CRIM1: variants seen among roughly 807,000 people sequenced by gnomAD.
CRIM1 encodes the protein cysteine-rich motor neuron 1 protein.
Under a neutral mutation model 116.4 loss-of-function variants are expected in CRIM1, and 32 were observed. The ratio of observed to expected loss-of-function variants is 0.27; its 90% CI spans 0.21 to 0.37. CRIM1 has a LOEUF of 0.37. Ranked by LOEUF, CRIM1 falls within the 10% of genes least tolerant of loss-of-function variation. The pLI is 1.00. For synonymous variants in CRIM1, 590 were observed against 509.2 expected, an observed-to-expected ratio of 1.16 and a Z score of -2.13; for missense variants, 1,331 against 1,354.8, an observed-to-expected ratio of 0.98 and a Z score of 0.28.
At chr2:36,506,477 G>A (rs1260017295) in intron 8 of CRIM1, among the ~76,000 whole-genome samples, 2 of 152,166 alleles carry the variant, frequency 1.3e-5, no homozygotes, top group African/African-American at 4.8e-5. Context: ...TCCACAGTGT[G>A]TTCTCCATGG....
At chr2:36,456,977 G>A (rs925608372) in intron 4 of CRIM1, among the ~76,000 whole-genome samples, 4 of 151,994 alleles carry the variant, frequency 2.6e-5, no homozygotes, top group Admixed American at 1.3e-4. Context: ...TACAACTTCT[G>A]TTCTCCTGCA....
chr2:36,495,778 A>T (rs373946170), intron 7 of CRIM1, among the ~76,000 whole-genome samples: 1 of 152,126 alleles, frequency 6.6e-6, no homozygotes, highest in Non-Finnish European at 1.5e-5. Flanking sequence ...TAGTAATAGG[A>T]TCAGTTCTGA....
chr2:36,475,360 G>C (rs1234382346), intron 5 of CRIM1, among the ~76,000 whole-genome samples: 2 of 152,012 alleles, frequency 1.3e-5, no homozygotes, highest in African/African-American at 4.8e-5. Flanking sequence ...ATTGTGATTG[G>C]AATTGTTTTC....
At chr2:36,412,859 G>A (rs1673316573) in intron 2 of CRIM1, among the ~76,000 whole-genome samples, 1 of 152,090 alleles carries the variant, frequency 6.6e-6, no homozygotes, top group African/African-American at 2.4e-5. Flanking sequence ...TCTATTACCA[G>A]AGAAGACATT....
chr2:36,410,987 T>C (rs1402460583), intron 2 of CRIM1, among the ~76,000 whole-genome samples: 1 of 152,226 alleles, frequency 6.6e-6, no homozygotes, highest in Non-Finnish European at 1.5e-5. Flanking sequence ...CAAATTCTCA[T>C]ATTCTCAGTC....
chr2:36,504,756 G>T (rs1307297988), intron 8 of CRIM1, among the ~76,000 whole-genome samples: 1 of 152,150 alleles, frequency 6.6e-6, no homozygotes, highest in East Asian at 1.9e-4. Context: ...TTTAACCAGT[G>T]TCTTTTGCTA....
At chr2:36,520,273 C>T (rs535432500) in intron 12 of CRIM1, among the ~76,000 whole-genome samples, 1 of 152,220 alleles carries the variant, frequency 6.6e-6, no homozygotes, top group African/African-American at 2.4e-5. Flanking sequence ...AGCTTCAGCA[C>T]GGCTGTCCCT....
chr2:36,416,243 C>T (rs1222268739), intron 2 of CRIM1, among the ~76,000 whole-genome samples: 1 of 144,662 alleles, frequency 6.9e-6, no homozygotes, highest in Non-Finnish European at 1.5e-5. Context: ...TGGATTGGAA[C>T]TATGGAACTA....
At position 36,522,846 on chromosome 2, in the gene CRIM1, C is replaced by T. The variant is rs181702626; in HGVS notation, c.2428+533C>T. ...AGAAGAAGAAGGAGAAAGAAATGTTCTCTGAGAATGTCATACTGTTACAGC... is the reference window on the plus strand; with the variant it reads ...AGAAGAAGAAGGAGAAAGAAATGTTTTCTGAGAATGTCATACTGTTACAGC... On this transcript the variant is annotated intron_variant, in intron 13 of 16. Transcript: ENST00000280527. Among the ~76,000 whole-genome samples the T allele has an allele frequency of 3.0e-3, 452 of 150,946 alleles. 1 individual carries two copies. Among genetic ancestry groups the T allele is most frequent in the African/African-American group, 9.6e-3 (396 of 41,182 alleles).
At chr2:36,495,568 C>G (rs187706989) in intron 7 of CRIM1, among the ~76,000 whole-genome samples, 112 of 149,500 alleles carry the variant, frequency 7.5e-4, no homozygotes, top group African/African-American at 2.6e-3. Context: ...CCACCAGGAA[C>G]TCTCTTGGAT....
chr2:36,446,514 C>T lies in CRIM1; in HGVS notation c.869+3779C>T, dbSNP rs536603338. On this transcript the variant is annotated intron_variant, in intron 4 of 16. Coordinates refer to ENST00000280527, the MANE Select transcript of CRIM1 (RefSeq NM_016441.3). ...AGGCTCTTCCTTATTTCCTTGCTGC[C>T]TTTCTGTCTTGTTTAATGGCCTTTC... Among the ~76,000 whole-genome samples the T allele has an allele frequency of 1.2e-4, 19 of 152,212 alleles. No individual in the cohort carries two copies. In the South Asian group the frequency reaches 1.5e-3, roughly 12 times the overall value.
intron 5 of CRIM1, among the ~76,000 whole-genome samples, chr2:36,471,726 AACACAC>A (rs59120248): frequency 0.012 from 942 of 78,920 alleles, 11 homozygotes; most frequent in African/African-American, 0.049. Flanking sequence ...GATTAGCTTA[AACACAC>A]ACACACACAC....
intron 9 of CRIM1, among the ~76,000 whole-genome samples, chr2:36,511,361 T>C (rs981813768): frequency 2.0e-5 from 3 of 152,230 alleles, no homozygotes; most frequent in East Asian, 3.8e-4. Flanking sequence ...ATAATTTTCA[T>C]TGGATAATTA....
intron 2 of CRIM1, among the ~76,000 whole-genome samples, chr2:36,425,125 C>G (rs1674355206): frequency 6.6e-6 from 1 of 152,150 alleles, no homozygotes; most frequent in Admixed American, 6.5e-5. Context: ...CTTCCGAGCT[C>G]AGTAGTGAGT....
At chr2:36,402,662 G>C (rs1052806620) in intron 2 of CRIM1, among the ~76,000 whole-genome samples, 1 of 151,382 alleles carries the variant, frequency 6.6e-6, no homozygotes, top group African/African-American at 2.4e-5. Context: ...GGTTCTTTTA[G>C]TAGTTCATGT....
intron 1 of CRIM1, chr2:36,378,327 G>T (rs1445359264): frequency 6.4e-6 from 3 of 471,142 alleles, no homozygotes; most frequent in South Asian, 1.5e-5. Context: ...GTCCTCCTAG[G>T]CAGGCGCCAC....
intron 13 of CRIM1, among the ~76,000 whole-genome samples, chr2:36,534,411 A>G (rs1362725379): frequency 1.5e-5 from 2 of 133,602 alleles, no homozygotes; most frequent in African/African-American, 5.8e-5. Context: ...GAAGGGAAAA[A>G]TACAGACAGG....
intron 1 of CRIM1, among the ~76,000 whole-genome samples, chr2:36,361,460 G>A (rs957099153): frequency 1.3e-5 from 2 of 152,158 alleles, no homozygotes; most frequent in African/African-American, 2.4e-5. Context: ...TGAGTGAACA[G>A]CTGGGTGAGG....
At chr2:36,510,317 A>C (rs967112512) in intron 9 of CRIM1, among the ~76,000 whole-genome samples, 178 bp downstream of exon 9, 1 of 152,204 alleles carries the variant, frequency 6.6e-6, no homozygotes, top group Non-Finnish European at 1.5e-5. Flanking sequence ...TCCAAAAAAA[A>C]AGAATCAAGT....
Sources: gnomAD v4.1 joint callset for allele counts (sites outside exome capture counted in the v4.1 genomes callset) on GRCh38, gnomAD v4.1.1 for gene constraint, MANE v1.5 for transcripts, NCBI Gene and HGNC (gene_info 2026-07-23, HGNC 2026-07-21) for gene names.